APP: variants seen among roughly 807,000 people sequenced by gnomAD.
APP encodes the protein amyloid beta precursor protein.
Under a neutral mutation model 101.4 loss-of-function variants are expected in APP, and 31 were observed. That is an observed-to-expected ratio of 0.31 (90% CI 0.23 to 0.41). The LOEUF (loss-of-function observed/expected upper bound fraction) is 0.41. APP is among the 10% of genes least tolerant of loss of function. APP has a pLI of 1.00. For synonymous variants in APP, 366 were observed against 364.4 expected (o/e 1.00, Z -0.05); for missense variants, 839 against 1,003.7 (o/e 0.84, Z 2.22).
intron 3 of APP, among the ~76,000 whole-genome samples, chr21:26,083,880 A>T (rs2061646086): frequency 6.6e-6 from 1 of 152,200 alleles, no homozygotes; most frequent in Non-Finnish European, 1.5e-5. Context: ...TCCAGTAAAG[A>T]AGACAAAACT....
intron 10 of APP, 29 bp from the exon 11 acceptor site, chr21:25,975,257 G>C (rs1355253760): frequency 3.0e-5 from 49 of 1,613,822 alleles, no homozygotes; most frequent in African/African-American, 4.0e-5. Flanking sequence ...ATGTCCATGG[G>C]GACTGAATAA....
In APP at chr21:26,166,871, TGAGAGAGA is replaced by T. The variant is rs559340452; in HGVS notation, c.57+3685_57+3692del. On this transcript the variant is annotated intron_variant, in intron 1 of 17. Transcript: ENST00000346798. Reference sequence around the variant, plus strand: ...CCTGCACCAGCATCTGTCACTCAAGTGAGAGAGAGAGAGAGAGAGAGAGAGAGAGAGAG... The same window carrying T: ...CCTGCACCAGCATCTGTCACTCAAGTGAGAGAGAGAGAGAGAGAGAGAGAG... Among the ~76,000 whole-genome samples the T allele has an allele frequency of 2.2e-4, 30 of 135,288 alleles. No individual in the cohort carries two copies. In the South Asian group the frequency reaches 4.0e-3, roughly 18 times the overall value. The allele number at this position is 135,288 out of a possible 152,430, so 88.8% of individuals were successfully genotyped here.
intron 1 of APP, among the ~76,000 whole-genome samples, chr21:26,141,870 G>A (rs1001617635): frequency 5.9e-5 from 9 of 152,180 alleles, no homozygotes; most frequent in African/African-American, 2.2e-4. Flanking sequence ...AATTCAGAAA[G>A]GCAATGAATT....
chr21:26,042,996 A>C (rs2045445138), intron 5 of APP, among the ~76,000 whole-genome samples: 1 of 152,138 alleles, frequency 6.6e-6, no homozygotes, highest in African/African-American at 2.4e-5. Context: ...ACACTGGAGG[A>C]AAAAGGTGAC....
At chr21:26,108,460 T>A (rs927545117) in intron 2 of APP, among the ~76,000 whole-genome samples, 1 of 152,200 alleles carries the variant, frequency 6.6e-6, no homozygotes, top group Non-Finnish European at 1.5e-5. Flanking sequence ...GCTACAGTAC[T>A]GGACAGCACA....
chr21:25,946,686 A>G (rs918581663), intron 13 of APP, among the ~76,000 whole-genome samples: 3 of 152,060 alleles, frequency 2.0e-5, no homozygotes, highest in African/African-American at 7.2e-5. Context: ...AATAAAAATA[A>G]AAATAAAAAT....
At chr21:25,959,502 C>G (rs2041485130) in intron 11 of APP, among the ~76,000 whole-genome samples, 1 of 152,188 alleles carries the variant, frequency 6.6e-6, no homozygotes, top group Non-Finnish European at 1.5e-5. Flanking sequence ...ACAGTCTGTT[C>G]CAGGAGTACT....
intron 6 of APP, among the ~76,000 whole-genome samples, chr21:26,020,157 T>C (rs990034352): frequency 1.3e-5 from 2 of 152,184 alleles, no homozygotes; most frequent in Non-Finnish European, 2.9e-5. Context: ...AAAAATACTG[T>C]GTTAAGTGAA....
intron 1 of APP, among the ~76,000 whole-genome samples, chr21:26,159,888 AAAGTG>A (rs2063455362): frequency 6.6e-6 from 1 of 152,188 alleles, no homozygotes; most frequent in African/African-American, 2.4e-5. Context: ...CTAGCTCACA[AAAGTG>A]AAGTGAAATA....
At chr21:26,082,766 T>C (rs2146083842) in intron 3 of APP, among the ~76,000 whole-genome samples, 1 of 152,164 alleles carries the variant, frequency 6.6e-6, no homozygotes, top group East Asian at 1.9e-4. Context: ...TCAGGCCCAC[T>C]ATCAACTCTG....
At chr21:25,989,447 G>A (rs1371641178) in intron 8 of APP, among the ~76,000 whole-genome samples, 1 of 152,060 alleles carries the variant, frequency 6.6e-6, no homozygotes, top group Non-Finnish European at 1.5e-5. Flanking sequence ...TCAGGCTCTG[G>A]GGTGACCCAT....
chr21:26,013,805 T>C (rs957293941), intron 6 of APP, among the ~76,000 whole-genome samples: 1 of 152,158 alleles, frequency 6.6e-6, no homozygotes, highest in African/African-American at 2.4e-5. Context: ...AACCTAATTA[T>C]CTGAGTGGGC....
chr21:25,992,208 C>A (rs2042893360), intron 8 of APP, among the ~76,000 whole-genome samples: 2 of 152,114 alleles, frequency 1.3e-5, no homozygotes, highest in African/African-American at 4.8e-5. Flanking sequence ...CATGGTGAAA[C>A]CCTATCTCTA....
intron 17 of APP, among the ~76,000 whole-genome samples, chr21:25,884,695 TA>T (rs1219621182): frequency 6.6e-6 from 1 of 152,080 alleles, no homozygotes; most frequent in Non-Finnish European, 1.5e-5. Context: ...ATGCCCAGGT[TA>T]AAAAAAATTA....
At chr21:25,910,309 T>A (rs1342971818) in intron 14 of APP, among the ~76,000 whole-genome samples, 2 of 152,134 alleles carry the variant, frequency 1.3e-5, no homozygotes, top group Non-Finnish European at 2.9e-5. Context: ...TTTTTGTATT[T>A]TTAGTACAGA....
intron 1 of APP, among the ~76,000 whole-genome samples, chr21:26,154,279 A>T (rs758740736): frequency 5.3e-5 from 8 of 152,206 alleles, no homozygotes; most frequent in Non-Finnish European, 1.0e-4. Context: ...TTACATACCC[A>T]TACAGACAAT....
intron 3 of APP, among the ~76,000 whole-genome samples, chr21:26,085,736 A>G (rs2061690033): frequency 6.6e-6 from 1 of 152,228 alleles, no homozygotes; most frequent in Non-Finnish European, 1.5e-5. Flanking sequence ...TAAAGAAGAT[A>G]GCTGTAGATA....
intron 13 of APP, among the ~76,000 whole-genome samples, chr21:25,945,338 A>G (rs1212101124): frequency 6.9e-6 from 1 of 145,730 alleles, no homozygotes; most frequent in African/African-American, 2.6e-5. Flanking sequence ...CATTATATAT[A>G]AATATTCCCC....
intron 5 of APP, among the ~76,000 whole-genome samples, chr21:26,042,588 C>T (rs956637003): frequency 6.6e-6 from 1 of 152,182 alleles, no homozygotes. Flanking sequence ...ATGATGACTG[C>T]ATTGATTATT....
Sources: gnomAD v4.1 joint callset for allele counts (sites outside exome capture counted in the v4.1 genomes callset) on GRCh38, gnomAD v4.1.1 for gene constraint, MANE v1.5 for transcripts, NCBI Gene and HGNC (gene_info 2026-07-23, HGNC 2026-07-21) for gene names.